ZNF727: variants seen among roughly 807,000 people sequenced by gnomAD.
ZNF727 encodes zinc finger protein 727, also known as putative zinc finger protein 727.
Under a neutral mutation model 11.5 loss-of-function variants are expected in ZNF727, and 11 were observed. The ratio of observed to expected loss-of-function variants is 0.95; its 90% CI spans 0.60 to 1.58. The LOEUF is 1.58. Ranked by LOEUF, ZNF727 falls within the 40% of genes most tolerant of loss-of-function variation. The probability of loss-of-function intolerance (pLI) is 0.00; values close to 1 mark genes in which losing one functional copy is unlikely to be tolerated. For synonymous variants in ZNF727, 171 were observed against 196.1 expected (o/e 0.87, Z 1.07); for missense variants, 533 against 581.7 (o/e 0.92, Z 0.86).
chr7:64,046,918 T>G (rs983757892), intron 1 of ZNF727, among the ~76,000 whole-genome samples: 1 of 152,130 alleles, frequency 6.6e-6, no homozygotes, highest in Non-Finnish European at 1.5e-5. Flanking sequence ...GGTGGAAATG[T>G]CCTGGTTATG....
At chr7:64,046,281 T>A (rs1789505340) in intron 1 of ZNF727, among the ~76,000 whole-genome samples, 1 of 152,082 alleles carries the variant, frequency 6.6e-6, no homozygotes, top group African/African-American at 2.4e-5. Context: ...TCCGCCCCCC[T>A]CGGGCCTCCT....
Position 64,081,119 on chromosome 7 carries a change from G to C in ZNF727, c.*2570G>C, listed in dbSNP as rs1478200690. On this transcript the variant is annotated 3_prime_UTR_variant, in exon 4 of 4. Coordinates refer to ENST00000456806, the MANE Select transcript of ZNF727 (RefSeq NM_001159522.3). ...GCTAGTGGATATGGGGTTTCTGCCTGTCTTTGGGTATTCACTTCAGTGGCA... is the reference window on the plus strand; with the variant it reads ...GCTAGTGGATATGGGGTTTCTGCCTCTCTTTGGGTATTCACTTCAGTGGCA... Among the ~76,000 whole-genome samples, 1 of 152,036 alleles carries C rather than the reference G, an allele frequency of 6.6e-6. No homozygotes were observed. Among genetic ancestry groups the C allele is most frequent in the Non-Finnish European group, 1.5e-5 (1 of 68,004 alleles).
chr7:64,072,446 G>A (rs985798860), intron 3 of ZNF727, among the ~76,000 whole-genome samples: 3 of 152,248 alleles, frequency 2.0e-5, no homozygotes, highest in African/African-American at 7.2e-5. Flanking sequence ...TGCCTGATGT[G>A]TGTTTCTTAC....
At chr7:64,057,966 A>G (rs1332630541) in intron 1 of ZNF727, among the ~76,000 whole-genome samples, 1 of 151,934 alleles carries the variant, frequency 6.6e-6, no homozygotes, top group Non-Finnish European at 1.5e-5. Context: ...TGATTTGTTA[A>G]TTTTCCAACA....
intron 1 of ZNF727, among the ~76,000 whole-genome samples, chr7:64,046,279 C>A (rs1323085155): frequency 6.6e-6 from 1 of 152,132 alleles, no homozygotes; most frequent in East Asian, 1.9e-4. Context: ...GATCCGCCCC[C>A]CTCGGGCCTC....
Position 64,084,187 on chromosome 7 carries a change from C to A in ZNF727, c.*5638C>A. 6.6e-6 allele frequency among the ~76,000 whole-genome samples: 1 copy of A among 152,096 alleles called. No individual in the cohort carries two copies. The highest frequency in any genetic ancestry group is 1.9e-4 in the East Asian group (1 of 5,178). On this transcript the variant is annotated 3_prime_UTR_variant, in exon 4 of 4. Transcript: ENST00000456806. The stretch of plus-strand genomic sequence containing the variant: ...TGATTTACAACAGCATTATAAGTGA[C>A]AGGGTGATAGAAGTGTGGTAAGTGA...
Position 64,055,630 on chromosome 7 carries a change from G to A in ZNF727, c.3+10006G>A, listed in dbSNP as rs117431725. The stretch of plus-strand genomic sequence containing the variant: ...ATGTAAGTGGAGTCATACAGTATTT[G>A]TTCTTTTGGAAATGGCTTGTTTTAG... On this transcript the variant is annotated intron_variant, in intron 1 of 3. Coordinates refer to ENST00000456806, the MANE Select transcript of ZNF727 (RefSeq NM_001159522.3). Among the ~76,000 whole-genome samples the A allele has an allele frequency of 3.0e-3, 453 of 152,208 alleles. 4 individuals are homozygous for A. The highest frequency in any genetic ancestry group is 0.024 in the East Asian group (122 of 5,174).
chr7:64,045,665 C>T, intron 1 of ZNF727, 41 bp downstream of exon 1: 1 of 1,555,988 alleles, frequency 6.4e-7, no homozygotes, highest in Non-Finnish European at 8.7e-7. Context: ...GGGGAAGAGG[C>T]TGTTTGAATC....
intron 1 of ZNF727, among the ~76,000 whole-genome samples, chr7:64,066,752 C>CA (rs1476800472): frequency 6.6e-6 from 1 of 152,150 alleles, no homozygotes; most frequent in Admixed American, 6.6e-5. Context: ...GCAAAGACTT[C>CA]ATGACTAAAA....
chr7:64,072,512 C>G (rs1462931110), intron 3 of ZNF727, among the ~76,000 whole-genome samples: 8 of 152,122 alleles, frequency 5.3e-5, no homozygotes, highest in African/African-American at 1.4e-4. Flanking sequence ...ATTGGCAGAA[C>G]TGGCCACAAA....
At chr7:64,064,431 A>C (rs868231984) in intron 1 of ZNF727, among the ~76,000 whole-genome samples, 1 of 152,080 alleles carries the variant, frequency 6.6e-6, no homozygotes, top group Non-Finnish European at 1.5e-5. Flanking sequence ...GCTTTTTCTG[A>C]TGTTGTATTC....
In ZNF727 at chr7:64,077,404, C is replaced by T. The variant is rs559165597; in HGVS notation, c.355C>T (p.Arg119Cys). 68 of 1,551,828 alleles carry T rather than the reference C, an allele frequency of 4.4e-5. No individual in the cohort carries two copies. Among genetic ancestry groups the T allele is most frequent in the Admixed American group, 7.8e-5 (4 of 50,984 alleles). Residue 119 changes from arginine (R) to cysteine (C), a missense_variant, in exon 4 of 4, where the codon CGT (arginine) becomes TGT (cysteine). Arg to Cys is a radical substitution (Grantham distance 180, BLOSUM62 -3). Transcript: ENST00000456806. ...TTTACGTTTAAAGAAAGACTACCAA[C>T]GTGTGGGTAATTGCAAGGGGCAGAA... ...NTLRLKKDYQRVGNCKGQKSS... is the reference protein window; with the variant it reads ...NTLRLKKDYQCVGNCKGQKSS...
intron 1 of ZNF727, among the ~76,000 whole-genome samples, chr7:64,067,041 A>C (rs1453057595): frequency 2.0e-5 from 3 of 152,040 alleles, no homozygotes; most frequent in South Asian, 2.1e-4. Context: ...CAAGGAACTT[A>C]AACAAATTTA....
At chr7:64,061,924 A>T (rs1001286348) in intron 1 of ZNF727, among the ~76,000 whole-genome samples, 41 of 152,098 alleles carry the variant, frequency 2.7e-4, no homozygotes, top group Non-Finnish European at 4.0e-4. Context: ...ATAACCCATT[A>T]TTTTAAACTG....
At chr7:64,072,981 G>A (rs1789985755) in intron 3 of ZNF727, among the ~76,000 whole-genome samples, 1 of 152,106 alleles carries the variant, frequency 6.6e-6, no homozygotes, top group Admixed American at 6.6e-5. Context: ...TAGGATTACA[G>A]GTGTGAACCA....
intron 1 of ZNF727, among the ~76,000 whole-genome samples, chr7:64,050,470 C>T (rs1376629236): frequency 1.3e-5 from 2 of 152,018 alleles, no homozygotes; most frequent in African/African-American, 2.4e-5. Context: ...TCAAGGGGTC[C>T]CAGGCTGCTA....
intron 1 of ZNF727, among the ~76,000 whole-genome samples, chr7:64,061,857 G>A (rs1222815907): frequency 8.9e-6 from 1 of 112,496 alleles, no homozygotes; most frequent in Non-Finnish European, 2.0e-5. Context: ...TTATGTATGT[G>A]TGTCTATTAT....
At chr7:64,046,093 G>A (rs983035861) in intron 1 of ZNF727, among the ~76,000 whole-genome samples, 5 of 152,148 alleles carry the variant, frequency 3.3e-5, no homozygotes, top group African/African-American at 1.2e-4. Context: ...TCGGCTCACT[G>A]CAGCCTCCAC....
chr7:64,068,078 CAT>C (rs1789899457), intron 1 of ZNF727, among the ~76,000 whole-genome samples: 1 of 152,044 alleles, frequency 6.6e-6, no homozygotes, highest in African/African-American at 2.4e-5. Flanking sequence ...ACAGTAGTGT[CAT>C]ATCCTTTGTT....
Sources: gnomAD v4.1 joint callset for allele counts (sites outside exome capture counted in the v4.1 genomes callset) on GRCh38, gnomAD v4.1.1 for gene constraint, MANE v1.5 for transcripts, NCBI Gene and HGNC (gene_info 2026-07-23, HGNC 2026-07-21) for gene names.